CR2: variants seen among roughly 807,000 people sequenced by gnomAD.
The protein encoded by CR2 is complement C3d receptor 2, also known as complement receptor type 2.
In CR2, 96 loss-of-function variants were observed where a neutral mutation model predicts 123.0. That is an observed-to-expected ratio of 0.78 (90% CI 0.66 to 0.93). The LOEUF (loss-of-function observed/expected upper bound fraction) is 0.93. Ranked by LOEUF, CR2 falls within the 40% of genes least tolerant of loss-of-function variation. The probability of loss-of-function intolerance (pLI) is 0.00; values close to 1 mark genes in which losing one functional copy is unlikely to be tolerated. For synonymous variants in CR2, 484 were observed against 469.5 expected (o/e 1.03, Z -0.40); for missense variants, 1,258 against 1,361.0 (o/e 0.92, Z 1.19).
intron 9 of CR2, among the ~76,000 whole-genome samples, 199 bp downstream of exon 9, chr1:207,471,698 GTT>G (rs1219019442): frequency 1.3e-5 from 2 of 152,088 alleles, no homozygotes; most frequent in Non-Finnish European, 2.9e-5. Context: ...AATCTACTTT[GTT>G]ACTGATTCTA....
chr1:207,470,778 G>T lies in CR2; in HGVS notation c.1264G>T (p.Glu422Ter). ...TCCTAACATCCTCAATGGGCAAAAG[G>T]AAGATAGACACATGGTCCGCTTTGA... ...APPNILNGQK[E>*]DRHMVRFDPG... is the part of the protein sequence containing the mutation. Residue 422 changes from glutamate (E) to a stop codon, truncating the protein, a stop_gained, in exon 7 of 20, where the codon GAA becomes TAA. Transcript: ENST00000367057. LOFTEE classifies it high-confidence loss of function. The T allele has an allele frequency of 6.2e-7, 1 of 1,613,854 alleles. No individual in the cohort carries two copies. The highest frequency in any genetic ancestry group is 8.5e-7 in the Non-Finnish European group (1 of 1,179,862).
In CR2 at chr1:207,480,224, A is replaced by T. The variant is rs117178532; in HGVS notation, c.3188+171A>T. Among the ~76,000 whole-genome samples the T allele has an allele frequency of 2.3e-4, 35 of 152,320 alleles. No homozygotes were observed. In the East Asian group the frequency reaches 6.2e-3, roughly 27 times the overall value. ...AAGCCCTTTCTGTAGGACTTAAGAG[A>T]TATCAAACACTTAGCTTATTTTATT... On this transcript the variant is annotated intron_variant, in intron 18 of 19. Transcript: ENST00000367057.
chr1:207,471,094 G>A lies in CR2; in HGVS notation c.1493+7G>A. The A allele has an allele frequency of 1.2e-6, 2 of 1,613,394 alleles. No individual in the cohort carries two copies. Among genetic ancestry groups the A allele is most frequent in the Non-Finnish European group, 1.7e-6 (2 of 1,179,700 alleles). ...ACTCTTCTTGTGGTGAAGGGTGAGT[G>A]AAGGCTGACTTAGTCTGACCCAATT... On this transcript the variant is annotated splice_region_variant and intron_variant, in intron 8 of 19. Coordinates refer to ENST00000367057, the MANE Select transcript of CR2 (RefSeq NM_001006658.3).
intron 1 of CR2, among the ~76,000 whole-genome samples, chr1:207,459,342 G>A (rs1195880546): frequency 1.3e-5 from 2 of 151,030 alleles, no homozygotes; most frequent in Admixed American, 6.6e-5. Flanking sequence ...TATTACATTA[G>A]TGACTCTATT....
chr1:207,471,302 G>T, intron 8 of CR2, 121 bp from the exon 9 acceptor site: 1 of 928,840 alleles, frequency 1.1e-6, no homozygotes, highest in Non-Finnish European at 1.8e-6. Context: ...GCTGATGTTG[G>T]CTACATTTTT....
chr1:207,466,663 A>C lies in CR2; in HGVS notation c.196A>C (p.Ile66Leu). ...RLIGEKSLLC[I>L]TKDKVDGTWD... ...CATTGGAGAAAAAAGTCTATTATGC[A>C]TAACTAAAGACAAAGTGGATGGAAC... The change falls in exon 2 of 20, where the codon ATA (isoleucine) becomes CTA (leucine). Residue 66 changes from isoleucine (I) to leucine (L), a missense_variant. Transcript: ENST00000367057. 6.8e-6 allele frequency: 11 copies of C among 1,614,136 alleles called. No individual in the cohort carries two copies. Among genetic ancestry groups the C allele is most frequent in the Non-Finnish European group, 9.3e-6 (11 of 1,179,998 alleles).
At chr1:207,462,313 A>G (rs1344967123) in intron 1 of CR2, among the ~76,000 whole-genome samples, 1 of 152,178 alleles carries the variant, frequency 6.6e-6, no homozygotes, top group African/African-American at 2.4e-5. Context: ...CATAAATGCT[A>G]CCTAGAAGAA....
At position 207,470,865 on chromosome 1, in the gene CR2, A is replaced by G. The variant is rs1442792761; in HGVS notation, c.1351A>G (p.Ile451Val). ...CTATGTGCTGGTGGGAGAAGAATCC[A>G]TACAGTGTACCTCTGAGGGGGTGTG... is the stretch of plus-strand genomic sequence containing the variant. ...PGYVLVGEES[I>V]QCTSEGVWTP... Residue 451 changes from isoleucine (I) to valine (V), a missense_variant, in exon 7 of 20, where the codon ATA (isoleucine) becomes GTA (valine). Ile to Val is a conservative substitution (Grantham distance 29). Coordinates refer to ENST00000367057, the MANE Select transcript of CR2 (RefSeq NM_001006658.3). 1 of 1,613,962 alleles carries G rather than the reference A, an allele frequency of 6.2e-7. No individual in the cohort carries two copies. The highest frequency in any genetic ancestry group is 1.7e-5 in the Admixed American group (1 of 59,988).
At chr1:207,480,331 T>G (rs1658570466) in intron 18 of CR2, among the ~76,000 whole-genome samples, 2 of 152,212 alleles carry the variant, frequency 1.3e-5, no homozygotes, top group South Asian at 2.1e-4. Context: ...CTGCAAATAC[T>G]TTGGTGTATT....
intron 1 of CR2, among the ~76,000 whole-genome samples, chr1:207,462,908 A>T (rs1232570337): frequency 6.6e-6 from 1 of 152,270 alleles, no homozygotes; most frequent in Non-Finnish European, 1.5e-5. Flanking sequence ...TAAAGTTGGC[A>T]TCCATGCACA....
intron 1 of CR2, among the ~76,000 whole-genome samples, chr1:207,456,687 G>A (rs311305): frequency 0.97 from 147,492 of 152,312 alleles, 71,588 homozygotes; most frequent in East Asian, 1. Context: ...TTTTCTAATC[G>A]GCTACAAACC....
chr1:207,458,433 T>C (rs311307), intron 1 of CR2, among the ~76,000 whole-genome samples: 104,553 of 151,968 alleles, frequency 0.69, 36,403 homozygotes, highest in East Asian at 0.89. Context: ...TTCAGGATAA[T>C]ATTCACATAT....
In CR2 at chr1:207,473,725, CT is replaced by C. The variant is rs757509836; in HGVS notation, c.2155+7del. 1.3e-4 allele frequency: 213 copies of C among 1,613,836 alleles called. No homozygotes were observed. The highest frequency in any genetic ancestry group is 1.7e-4 in the Non-Finnish European group (205 of 1,179,880). On this transcript the variant is annotated splice_donor_5th_base_variant and intron_variant, in intron 11 of 19. Coordinates refer to ENST00000367057, the MANE Select transcript of CR2 (RefSeq NM_001006658.3). ...CCTTCTGCCCCACGGTGTGAAGGTA[CT>C]TTAAGTTCCAGAGTTGTCCTTCTCT...
chr1:207,474,346 C>T, intron 13 of CR2, 23 bp downstream of exon 13: 1 of 1,537,736 alleles, frequency 6.5e-7, no homozygotes, highest in Non-Finnish European at 9.0e-7. Context: ...AAATAAAAGC[C>T]TGACAATGGT....
intron 16 of CR2, 79 bp from the exon 17 acceptor site, chr1:207,479,178 C>T (rs369150921): frequency 9.0e-7 from 1 of 1,114,624 alleles, no homozygotes. Flanking sequence ...ATTTCTGGGA[C>T]ATTACCATGA....
chr1:207,475,878 C>T (rs997924447), intron 14 of CR2, among the ~76,000 whole-genome samples: 7 of 152,180 alleles, frequency 4.6e-5, no homozygotes, highest in South Asian at 2.1e-4. Flanking sequence ...TCTGACTTGT[C>T]GTATCTGGTG....
intron 19 of CR2, among the ~76,000 whole-genome samples, chr1:207,486,062 C>T (rs1305696129): frequency 6.6e-6 from 1 of 151,730 alleles, no homozygotes; most frequent in African/African-American, 2.4e-5. Context: ...AAAACCCTGT[C>T]TCTACTAAAA....
Position 207,470,838 on chromosome 1 carries a change from G to A in CR2, c.1324G>A (p.Gly442Ser). 2 of 1,613,928 alleles carry A rather than the reference G, an allele frequency of 1.2e-6. No homozygotes were observed. The highest frequency in any genetic ancestry group is 1.7e-6 in the Non-Finnish European group (2 of 1,179,894). The change falls in exon 7 of 20, where the codon GGC (glycine) becomes AGC (serine). Residue 442 changes from glycine to serine, a missense_variant. Gly to Ser is a moderately conservative substitution (Grantham distance 56, BLOSUM62 0). Coordinates refer to ENST00000367057, the MANE Select transcript of CR2 (RefSeq NM_001006658.3). ...GTSIKYSCNP[G>S]YVLVGEESIQ... ...ATCTATAAAATATAGCTGTAACCCT[G>A]GCTATGTGCTGGTGGGAGAAGAATC... is the stretch of plus-strand genomic sequence containing the variant.
chr1:207,486,195 T>C (rs1053937286), intron 19 of CR2, among the ~76,000 whole-genome samples: 9 of 121,894 alleles, frequency 7.4e-5, no homozygotes, highest in Non-Finnish European at 1.2e-4. Context: ...TGCGCCACTG[T>C]ACCCCAGCCT....
Sources: gnomAD v4.1 joint callset for allele counts (sites outside exome capture counted in the v4.1 genomes callset) on GRCh38, gnomAD v4.1.1 for gene constraint, MANE v1.5 for transcripts, NCBI Gene and HGNC (gene_info 2026-07-23, HGNC 2026-07-21) for gene names.